Variants in AFF3 observed in about 807,000 individuals in gnomAD.
The protein encoded by AFF3 is ALF transcription elongation factor 3, also known as AF4/FMR2 family member 3.
A neutral mutation model predicts 129.7 loss-of-function variants in AFF3; 32 were observed. The ratio of observed to expected loss-of-function variants is 0.25; its 90% CI spans 0.19 to 0.33. The LOEUF (loss-of-function observed/expected upper bound fraction) is 0.33. Ranked by LOEUF, AFF3 falls within the 10% of genes least tolerant of loss-of-function variation. The pLI is 1.00. For synonymous variants in AFF3, 644 were observed against 635.4 expected, an observed-to-expected ratio of 1.01 and a Z score of -0.20; for missense variants, 1,373 against 1,592.0, an observed-to-expected ratio of 0.86 and a Z score of 2.34.
intron 8 of AFF3, among the ~76,000 whole-genome samples, chr2:99,833,028 T>C (rs185828279): frequency 3.2e-4 from 48 of 152,324 alleles, no homozygotes; most frequent in African/African-American, 1.1e-3. Context: ...CCCAAATAGG[T>C]CACTGAAAAC....
At chr2:99,945,732 T>A (rs1022504489) in intron 7 of AFF3, among the ~76,000 whole-genome samples, 2 of 152,194 alleles carry the variant, frequency 1.3e-5, no homozygotes, top group Non-Finnish European at 2.9e-5. Context: ...TTGTTATAGA[T>A]GGCTCAGCTC....
intron 7 of AFF3, among the ~76,000 whole-genome samples, chr2:99,858,879 A>C (rs2105905002): frequency 6.6e-6 from 1 of 152,328 alleles, no homozygotes; most frequent in South Asian, 2.1e-4. Flanking sequence ...ATAAACCTGC[A>C]CTTGTACCCC....
At chr2:99,703,497 T>A (rs1186455397) in intron 11 of AFF3, among the ~76,000 whole-genome samples, 1 of 152,226 alleles carries the variant, frequency 6.6e-6, no homozygotes, top group African/African-American at 2.4e-5. Flanking sequence ...TTCAACACCA[T>A]TCATTGAAAA....
intron 8 of AFF3, among the ~76,000 whole-genome samples, chr2:99,806,685 A>G (rs961961606): frequency 6.6e-6 from 1 of 152,014 alleles, no homozygotes; most frequent in African/African-American, 2.4e-5. Context: ...TTCTTCATAT[A>G]CCTGTCTCCA....
intron 4 of AFF3, among the ~76,000 whole-genome samples, chr2:100,034,025 C>A (rs532519315): frequency 6.6e-6 from 1 of 152,268 alleles, no homozygotes; most frequent in South Asian, 2.1e-4. Context: ...AGAACCGAAG[C>A]AGTAACTTGT....
chr2:99,900,540 G>C (rs1327619834), intron 7 of AFF3, among the ~76,000 whole-genome samples: 1 of 152,078 alleles, frequency 6.6e-6, no homozygotes, highest in Non-Finnish European at 1.5e-5. Flanking sequence ...CCTGCCCATA[G>C]CGACAACGTT....
chr2:99,556,748 C>T (rs1559472599), intron 22 of AFF3, among the ~76,000 whole-genome samples: 2 of 151,756 alleles, frequency 1.3e-5, no homozygotes, highest in South Asian at 4.1e-4. Context: ...ACAAGGAGAC[C>T]CTCTGTCTAC....
chr2:99,793,349 A>G (rs1685339901), intron 8 of AFF3, among the ~76,000 whole-genome samples: 1 of 152,208 alleles, frequency 6.6e-6, no homozygotes, highest in Admixed American at 6.5e-5. Flanking sequence ...CCCGAGCCCA[A>G]ACAAACATCT....
At chr2:100,037,711 T>A (rs1195178881) in intron 4 of AFF3, among the ~76,000 whole-genome samples, 1 of 127,152 alleles carries the variant, frequency 7.9e-6, no homozygotes, top group South Asian at 2.2e-4. Flanking sequence ...ATTATATATT[T>A]ATATATTATA....
chr2:99,646,125 A>G (rs1684666562), intron 13 of AFF3, among the ~76,000 whole-genome samples: 1 of 152,218 alleles, frequency 6.6e-6, no homozygotes, highest in South Asian at 2.1e-4. Flanking sequence ...CACCAACCCC[A>G]AGTCAATGAA....
rs147289840 is a variant in AFF3, at chr2:99,899,649, T to C, written c.874-62125A>G. On this transcript the variant is annotated intron_variant, in intron 7 of 24. Transcript: ENST00000672756. ...GTTCCGCTACCTGAACGCCACACAA[T>C]TGGCTTCACATTTTAGTAGTTTTAA... 7.5e-3 allele frequency among the ~76,000 whole-genome samples: 1,136 copies of C among 152,314 alleles called. 14 individuals are homozygous for C. The highest frequency in any genetic ancestry group is 0.026 in the African/African-American group (1,062 of 41,564).
intron 12 of AFF3, among the ~76,000 whole-genome samples, chr2:99,667,242 C>T (rs188284152): frequency 1.4e-4 from 21 of 152,126 alleles, no homozygotes; most frequent in South Asian, 6.2e-4. Context: ...AGATTAAGGG[C>T]GATCTCTGAG....
intron 1 of AFF3, among the ~76,000 whole-genome samples, chr2:100,135,886 G>A (rs1692620716): frequency 6.6e-6 from 1 of 152,204 alleles, no homozygotes; most frequent in African/African-American, 2.4e-5. Flanking sequence ...GGGAGGCAGA[G>A]GCTAAAGTGC....
intron 11 of AFF3, among the ~76,000 whole-genome samples, chr2:99,686,185 A>G (rs1675043525): frequency 6.6e-6 from 1 of 152,100 alleles, no homozygotes; most frequent in Non-Finnish European, 1.5e-5. Flanking sequence ...GCGAGACTCC[A>G]TCTAAAAAAG....
At chr2:99,691,064 G>A (rs1246108561) in intron 11 of AFF3, among the ~76,000 whole-genome samples, 1 of 152,110 alleles carries the variant, frequency 6.6e-6, no homozygotes, top group South Asian at 2.1e-4. Flanking sequence ...AGTCACTTAG[G>A]ACAGCTGAAG....
At chr2:99,641,417 C>T (rs1684179194) in intron 13 of AFF3, among the ~76,000 whole-genome samples, 1 of 152,132 alleles carries the variant, frequency 6.6e-6, no homozygotes, top group African/African-American at 2.4e-5. Flanking sequence ...GTGGCTCACG[C>T]CTGTAATTTC....
chr2:99,828,492 G>C (rs923751386), intron 8 of AFF3, among the ~76,000 whole-genome samples: 1 of 152,158 alleles, frequency 6.6e-6, no homozygotes, highest in African/African-American at 2.4e-5. Context: ...GAGCAGTGCA[G>C]ACCAGAAAGT....
rs191079196 is a variant in AFF3, at chr2:100,025,420, A to T, written c.54-16488T>A. Among the ~76,000 whole-genome samples the T allele has an allele frequency of 2.6e-3, 403 of 152,366 alleles. 3 individuals carry two copies. The highest frequency in any genetic ancestry group is 4.2e-3 in the Non-Finnish European group (288 of 68,034). ...ACAGATGACACAAACAAATGGAAAC[A>T]CATCCCATGCTCATGGATGGGTAGC... On this transcript the variant is annotated intron_variant, in intron 4 of 24. Transcript: ENST00000672756.
chr2:99,587,435 C>A (rs896020055), intron 15 of AFF3, among the ~76,000 whole-genome samples, 157 bp from the exon 16 acceptor site: 1 of 152,150 alleles, frequency 6.6e-6, no homozygotes, highest in Non-Finnish European at 1.5e-5. Context: ...CCATAGCTTC[C>A]CCATTAGCTC....
Sources: gnomAD v4.1 joint callset for allele counts (sites outside exome capture counted in the v4.1 genomes callset) on GRCh38, gnomAD v4.1.1 for gene constraint, MANE v1.5 for transcripts, NCBI Gene and HGNC (gene_info 2026-07-23, HGNC 2026-07-21) for gene names.